HIRA: variants seen among roughly 807,000 people sequenced by gnomAD.
The protein encoded by HIRA is protein HIRA.
In HIRA, 13 loss-of-function variants were observed where a neutral mutation model predicts 126.6. The ratio of observed to expected loss-of-function variants is 0.10; its 90% CI spans 0.07 to 0.16. The LOEUF (loss-of-function observed/expected upper bound fraction) is 0.16. Among genes scored for constraint, HIRA ranks in the 10% least tolerant of loss-of-function variants. The pLI, the probability that HIRA is intolerant of heterozygous loss-of-function variation, is 1.00. For missense variants in HIRA, 834 were observed against 1,314.4 expected, an observed-to-expected ratio of 0.63 and a Z score of 5.65; for synonymous variants, 511 against 520.0, an observed-to-expected ratio of 0.98 and a Z score of 0.24.
At chr22:19,413,435 T>C (rs1378131580) in intron 1 of HIRA, among the ~76,000 whole-genome samples, 2 of 152,050 alleles carry the variant, frequency 1.3e-5, no homozygotes, top group Non-Finnish European at 1.5e-5. Context: ...CCTGGTTCAT[T>C]GGCACCAGGT....
intron 24 of HIRA, among the ~76,000 whole-genome samples, chr22:19,334,451 G>A (rs71313921): frequency 0.97 from 145,645 of 150,180 alleles, 70,705 homozygotes; most frequent in African/African-American, 0.99. Context: ...AGGAGTTCGA[G>A]ACCAGTCTGG....
At chr22:19,345,177 AAAAAGAAGT>A (rs2088672971) in intron 24 of HIRA, among the ~76,000 whole-genome samples, 1 of 152,202 alleles carries the variant, frequency 6.6e-6, no homozygotes, top group Admixed American at 6.5e-5. Flanking sequence ...CAAATTGGGA[AAAAAGAAGT>A]AAAATTATTT....
chr22:19,396,337 G>A (rs984019745), intron 7 of HIRA, among the ~76,000 whole-genome samples: 8 of 152,154 alleles, frequency 5.3e-5, no homozygotes, highest in East Asian at 1.9e-4. Context: ...CCAACATGGC[G>A]AAACCGCATC....
chr22:19,368,913 C>G (rs2088939409), intron 15 of HIRA, among the ~76,000 whole-genome samples: 1 of 152,304 alleles, frequency 6.6e-6, no homozygotes, highest in African/African-American at 2.4e-5. Flanking sequence ...CTCCCCACCT[C>G]CTGCCTCTGC....
At chr22:19,388,004 A>T (rs115303286) in intron 10 of HIRA, among the ~76,000 whole-genome samples, 188 bp from the exon 11 acceptor site, 382 of 152,042 alleles carry the variant, frequency 2.5e-3, no homozygotes, top group African/African-American at 8.7e-3. Context: ...TTGTATCCCA[A>T]AGGGCCCTGG....
At chr22:19,382,659 AAGGG>A (rs2089084897) in intron 13 of HIRA, among the ~76,000 whole-genome samples, 1 of 152,214 alleles carries the variant, frequency 6.6e-6, no homozygotes, top group South Asian at 2.1e-4. Context: ...GGCCTCCATG[AAGGG>A]CTTACAAATG....
intron 10 of HIRA, among the ~76,000 whole-genome samples, chr22:19,388,122 C>T (rs2146220966): frequency 6.6e-6 from 1 of 152,244 alleles, no homozygotes; most frequent in Admixed American, 6.5e-5. Context: ...ATAAAAAAAA[C>T]TTGACAAAGT....
intron 24 of HIRA, among the ~76,000 whole-genome samples, chr22:19,338,134 CTACAAGCCAG>C (rs2088587379): frequency 1.3e-5 from 2 of 152,044 alleles, no homozygotes; most frequent in African/African-American, 4.8e-5. Flanking sequence ...AGCAGATACC[CTACAAGCCAG>C]AAGGGTTTGG....
At chr22:19,363,723 C>A (rs916934485) in intron 15 of HIRA, among the ~76,000 whole-genome samples, 2 of 152,102 alleles carry the variant, frequency 1.3e-5, no homozygotes, top group South Asian at 2.1e-4. Flanking sequence ...CATGGTGAGA[C>A]CCCATCTCTA....
At chr22:19,387,855 C>A in intron 10 of HIRA, 39 bp from the exon 11 acceptor site, 1 of 1,462,612 alleles carries the variant, frequency 6.8e-7, no homozygotes, top group South Asian at 1.2e-5. Flanking sequence ...TAGCAAGAGC[C>A]CCAGGCAGAC....
chr22:19,422,193 CATACACATAT>C (rs1383847841), intron 1 of HIRA, among the ~76,000 whole-genome samples: 5 of 145,552 alleles, frequency 3.4e-5, no homozygotes, highest in African/African-American at 1.3e-4. Context: ...CACACACACA[CATACACATAT>C]ATATATATAC....
At chr22:19,352,610 T>C (rs1556011240) in intron 23 of HIRA, among the ~76,000 whole-genome samples, 3 of 152,226 alleles carry the variant, frequency 2.0e-5, no homozygotes, top group Non-Finnish European at 1.5e-5. Flanking sequence ...TGTGACATGT[T>C]AGTTCTGGGA....
intron 5 of HIRA, among the ~76,000 whole-genome samples, chr22:19,402,005 G>A (rs2089272781): frequency 6.6e-6 from 1 of 152,200 alleles, no homozygotes; most frequent in Non-Finnish European, 1.5e-5. Flanking sequence ...ACTGGGCACA[G>A]TAAGCACATG....
chr22:19,380,923 C>T (rs942254958), intron 13 of HIRA, among the ~76,000 whole-genome samples: 3 of 152,174 alleles, frequency 2.0e-5, no homozygotes, highest in Non-Finnish European at 4.4e-5. Flanking sequence ...TGTGCCCAGT[C>T]GATTTTTCCA....
In HIRA at chr22:19,378,049, A is replaced by G. The variant is rs755730907; in HGVS notation, c.1433T>C (p.Phe478Ser). The change falls in exon 14 of 25, where the codon TTC (phenylalanine) becomes TCC (serine). Residue 478 changes from phenylalanine (F) to serine (S), a missense_variant. This residue lies in a region of HIRA where 153 missense variants were observed against 270.6 expected (regional missense o/e 0.57). Coordinates refer to ENST00000263208, the MANE Select transcript of HIRA (RefSeq NM_003325.4). Reference sequence around the variant, plus strand: ...GCCCGAGAGGGGGATGCTGTTAAAGAATGCCGTGGAGAAGTCCCTGTCATC... The same window carrying G: ...GCCCGAGAGGGGGATGCTGTTAAAGGATGCCGTGGAGAAGTCCCTGTCATC... ...QLDTGDFSTAFFNSIPLSGSL... is the reference protein window; with the variant it reads ...QLDTGDFSTASFNSIPLSGSL... 1 of 1,586,310 alleles carries G rather than the reference A, an allele frequency of 6.3e-7. No individual in the cohort carries two copies. The highest frequency in any genetic ancestry group is 8.6e-7 in the Non-Finnish European group (1 of 1,164,028).
chr22:19,430,644 A>C (rs1284655498), intron 1 of HIRA, among the ~76,000 whole-genome samples: 6 of 84,916 alleles, frequency 7.1e-5, no homozygotes, highest in South Asian at 4.1e-4. Flanking sequence ...GGGGTGGGGG[A>C]GGGGGAGGCG....
At chr22:19,355,974 T>C in intron 20 of HIRA, 109 bp from the exon 21 acceptor site, 1 of 805,336 alleles carries the variant, frequency 1.2e-6, no homozygotes, top group Non-Finnish European at 2.1e-6. Context: ...CAGCAGCAAA[T>C]GCATCAACAC....
chr22:19,362,553 T>C (rs1195029992), intron 15 of HIRA, among the ~76,000 whole-genome samples: 1 of 152,164 alleles, frequency 6.6e-6, no homozygotes, highest in South Asian at 2.1e-4. Context: ...AAATTTATTT[T>C]TATTTTATTA....
intron 23 of HIRA, among the ~76,000 whole-genome samples, 183 bp downstream of exon 23, chr22:19,353,173 T>TTCAGAGCC (rs1248710116): frequency 6.6e-6 from 1 of 152,206 alleles, no homozygotes; most frequent in Non-Finnish European, 1.5e-5. Flanking sequence ...GGTCACTCTA[T>TTCAGAGCC]TCAGAGCCTC....
Sources: gnomAD v4.1 joint callset for allele counts (sites outside exome capture counted in the v4.1 genomes callset) on GRCh38, gnomAD v4.1.1 for gene constraint, gnomAD v4.1.1 regional missense constraint, MANE v1.5 for transcripts, NCBI Gene and HGNC (gene_info 2026-07-23, HGNC 2026-07-21) for gene names.